DLGAP2: variants seen among roughly 807,000 people sequenced by gnomAD.
The protein encoded by DLGAP2 is disks large-associated protein 2.
Under a neutral mutation model 100.3 loss-of-function variants are expected in DLGAP2, and 26 were observed. The ratio of observed to expected loss-of-function variants is 0.26; its 90% CI spans 0.19 to 0.36. The LOEUF is 0.36. DLGAP2 is among the 10% of genes least tolerant of loss of function. The pLI, the probability that DLGAP2 is intolerant of heterozygous loss-of-function variation, is 1.00. For missense variants in DLGAP2, 1,858 were observed against 1,453.2 expected, an observed-to-expected ratio of 1.28 and a Z score of -4.53; for synonymous variants, 886 against 630.1, an observed-to-expected ratio of 1.41 and a Z score of -6.08.
At chr8:1,022,148 T>C (rs918878019) in intron 2 of DLGAP2, among the ~76,000 whole-genome samples, 5 of 151,422 alleles carry the variant, frequency 3.3e-5, no homozygotes, top group East Asian at 1.9e-4. Flanking sequence ...CACACACCCA[T>C]CCTCCCTGGG....
intron 2 of DLGAP2, among the ~76,000 whole-genome samples, chr8:1,199,705 G>A (rs1343783631): frequency 2.0e-5 from 3 of 152,108 alleles, no homozygotes; most frequent in African/African-American, 4.8e-5. Context: ...ATTTGCACTC[G>A]GTGGCTCTCA....
chr8:1,050,051 C>G (rs1563164963), intron 2 of DLGAP2, among the ~76,000 whole-genome samples: 1 of 152,238 alleles, frequency 6.6e-6, no homozygotes, highest in East Asian at 1.9e-4. Flanking sequence ...TGCTGTCACA[C>G]ACATGTACAT....
intron 2 of DLGAP2, among the ~76,000 whole-genome samples, chr8:966,054 C>G (rs1333553813): frequency 2.0e-5 from 3 of 152,206 alleles, no homozygotes; most frequent in Non-Finnish European, 2.9e-5. Context: ...AAGCGCCATT[C>G]TTGAGGGACG....
chr8:914,156 G>A lies in DLGAP2; in HGVS notation c.73+6190G>A, dbSNP rs372719351. On this transcript the variant is annotated intron_variant, in intron 2 of 14. Transcript: ENST00000637795. ...TTTCCAAAAAGCACTCAAGTTGTGC[G>A]AACAGAATTCCATACGATGTGATTC... 4.8e-3 allele frequency among the ~76,000 whole-genome samples: 729 copies of A among 152,292 alleles called. 11 individuals carry two copies. Among genetic ancestry groups the A allele is most frequent in the African/African-American group, 0.017 (704 of 41,564 alleles).
intron 3 of DLGAP2, among the ~76,000 whole-genome samples, chr8:1,391,198 A>G (rs1276105591): frequency 6.6e-6 from 1 of 152,174 alleles, no homozygotes; most frequent in African/African-American, 2.4e-5. Flanking sequence ...AGAAGTTCCC[A>G]TGGGGACATT....
At chr8:810,808 C>G (rs1796356527) in intron 1 of DLGAP2, among the ~76,000 whole-genome samples, 1 of 152,192 alleles carries the variant, frequency 6.6e-6, no homozygotes, top group Non-Finnish European at 1.5e-5. Flanking sequence ...AGCTCAATTT[C>G]TGTCTGACAC....
rs143649576 is a variant in DLGAP2, at chr8:1,213,790, C to A, written c.74-45061C>A. On this transcript the variant is annotated intron_variant, in intron 2 of 14. Coordinates refer to ENST00000637795, the MANE Select transcript of DLGAP2 (RefSeq NM_001346810.2). The stretch of plus-strand genomic sequence containing the variant: ...ACCAGCATCCATCTTTCCAGTGGCT[C>A]CCATGGCCATTGTGCTCAGCCACCG... 5.9e-3 allele frequency among the ~76,000 whole-genome samples: 894 copies of A among 152,310 alleles called. 7 individuals carry two copies. Among genetic ancestry groups the A allele is most frequent in the African/African-American group, 0.02 (815 of 41,550 alleles).
intron 2 of DLGAP2, among the ~76,000 whole-genome samples, chr8:1,174,822 G>T (rs1302852227): frequency 6.6e-6 from 1 of 151,962 alleles, no homozygotes; most frequent in Non-Finnish European, 1.5e-5. Flanking sequence ...CCATCATCTA[G>T]ACTATAGCAG....
chr8:1,176,212 G>A (rs556701975), intron 2 of DLGAP2, among the ~76,000 whole-genome samples: 4 of 152,276 alleles, frequency 2.6e-5, no homozygotes, highest in Admixed American at 6.5e-5. Context: ...GAGAGACAGT[G>A]TGGGAAATGC....
intron 2 of DLGAP2, chr8:1,019,413 G>A (rs933767340): frequency 2.0e-5 from 3 of 152,002 alleles, no homozygotes; most frequent in Non-Finnish European, 4.4e-5. Context: ...TTTTCACCGA[G>A]AATCGCACAT....
At chr8:1,695,492 G>A (rs1306269397) in intron 13 of DLGAP2, among the ~76,000 whole-genome samples, 1 of 139,776 alleles carries the variant, frequency 7.2e-6, no homozygotes, top group African/African-American at 2.8e-5. Context: ...AGGGGGCACA[G>A]CCATGCCCGG....
chr8:895,562 A>G (rs1683400611), intron 1 of DLGAP2, among the ~76,000 whole-genome samples: 1 of 152,300 alleles, frequency 6.6e-6, no homozygotes, highest in African/African-American at 2.4e-5. Context: ...CTAGAGCCAC[A>G]TTGCATGGGG....
At chr8:1,599,444 A>G (rs1455471020) in intron 6 of DLGAP2, among the ~76,000 whole-genome samples, 2 of 152,094 alleles carry the variant, frequency 1.3e-5, no homozygotes, top group Non-Finnish European at 2.9e-5. Context: ...CATTGATCTA[A>G]TATTGACAGT....
intron 2 of DLGAP2, among the ~76,000 whole-genome samples, chr8:1,004,696 G>A (rs1801055366): frequency 6.6e-6 from 1 of 152,162 alleles, no homozygotes. Flanking sequence ...AGGTGGGAGT[G>A]TCTCCAGTAT....
At chr8:1,032,243 C>T (rs1024820862) in intron 2 of DLGAP2, among the ~76,000 whole-genome samples, 1 of 152,202 alleles carries the variant, frequency 6.6e-6, no homozygotes, top group East Asian at 1.9e-4. Context: ...GTTCCCCCAC[C>T]GCCACCACCC....
intron 1 of DLGAP2, among the ~76,000 whole-genome samples, chr8:881,496 C>CTTTT (rs533557661): frequency 4.7e-5 from 4 of 85,630 alleles, no homozygotes; most frequent in East Asian, 2.6e-4. Flanking sequence ...TTTCATCTCT[C>CTTTT]TTTTTTTTTT....
intron 3 of DLGAP2, among the ~76,000 whole-genome samples, chr8:1,446,767 T>G (rs1041972796): frequency 6.6e-6 from 1 of 152,354 alleles, no homozygotes; most frequent in South Asian, 2.1e-4. Context: ...TTTTATTTCA[T>G]TGAGCAGTGG....
At chr8:1,049,351 C>T (rs980491930) in intron 2 of DLGAP2, among the ~76,000 whole-genome samples, 1 of 152,078 alleles carries the variant, frequency 6.6e-6, no homozygotes, top group Admixed American at 6.5e-5. Context: ...ACACAGACAC[C>T]TTCTTCCCGT....
chr8:1,437,195 C>T (rs987291384), intron 3 of DLGAP2, among the ~76,000 whole-genome samples: 2 of 151,002 alleles, frequency 1.3e-5, no homozygotes, highest in African/African-American at 4.9e-5. Context: ...GGTCTGCGTT[C>T]AGCCCAGGCG....
Sources: gnomAD v4.1 joint callset for allele counts (sites outside exome capture counted in the v4.1 genomes callset) on GRCh38, gnomAD v4.1.1 for gene constraint, MANE v1.5 for transcripts, NCBI Gene and HGNC (gene_info 2026-07-23, HGNC 2026-07-21) for gene names.